Variants in PCCA observed in about 807,000 individuals in gnomAD.
PCCA encodes the protein propionyl-CoA carboxylase alpha chain, mitochondrial.
A neutral mutation model predicts 101.3 loss-of-function variants in PCCA; 74 were observed. The ratio of observed to expected loss-of-function variants is 0.73; its 90% CI spans 0.61 to 0.89. The LOEUF (loss-of-function observed/expected upper bound fraction) is 0.89, where lower values mean the gene tolerates loss of function less well. Among genes scored for constraint, PCCA ranks in the 40% least tolerant of loss-of-function variants. The pLI is 0.00. For synonymous variants in PCCA, 294 were observed against 313.6 expected (o/e 0.94, Z 0.66); for missense variants, 891 against 907.0 (o/e 0.98, Z 0.23).
intron 21 of PCCA, among the ~76,000 whole-genome samples, chr13:100,467,265 GTTC>G (rs1178428444): frequency 6.6e-6 from 1 of 152,198 alleles, no homozygotes; most frequent in Admixed American, 6.5e-5. Context: ...GACAAAACCA[GTTC>G]TTCTGTGTTG....
intron 21 of PCCA, among the ~76,000 whole-genome samples, chr13:100,487,386 A>C (rs1256453394): frequency 6.6e-6 from 1 of 152,190 alleles, no homozygotes; most frequent in Non-Finnish European, 1.5e-5. Flanking sequence ...AAATCACTGA[A>C]TGACGTGTTA....
chr13:100,260,951 A>C (rs1282857927), intron 9 of PCCA, among the ~76,000 whole-genome samples: 1 of 151,882 alleles, frequency 6.6e-6, no homozygotes, highest in Non-Finnish European at 1.5e-5. Flanking sequence ...AATAGGGCTG[A>C]CATCATTAAA....
At chr13:100,265,405 T>C (rs1362688034) in intron 10 of PCCA, among the ~76,000 whole-genome samples, 2 of 152,210 alleles carry the variant, frequency 1.3e-5, no homozygotes, top group African/African-American at 4.8e-5. Context: ...GACTTCGTCA[T>C]TGTCTTAACT....
At chr13:100,342,995 G>A (rs2071616887) in intron 18 of PCCA, among the ~76,000 whole-genome samples, 2 of 152,164 alleles carry the variant, frequency 1.3e-5, no homozygotes, top group African/African-American at 4.8e-5. Flanking sequence ...CCAAAGTGCT[G>A]GAATTATAGA....
intron 23 of PCCA, among the ~76,000 whole-genome samples, chr13:100,527,977 T>C (rs539450873): frequency 2.0e-5 from 3 of 152,376 alleles, no homozygotes; most frequent in African/African-American, 7.2e-5. Context: ...GTTCAGGTAG[T>C]CAAAGAACAA....
At chr13:100,360,343 C>G (rs988858256) in intron 18 of PCCA, among the ~76,000 whole-genome samples, 1 of 152,070 alleles carries the variant, frequency 6.6e-6, no homozygotes, top group Non-Finnish European at 1.5e-5. Flanking sequence ...CATATCAGAC[C>G]TAGAATAGCT....
intron 21 of PCCA, among the ~76,000 whole-genome samples, chr13:100,493,704 T>C (rs138568943): frequency 1.3e-5 from 2 of 152,212 alleles, no homozygotes; most frequent in African/African-American, 2.4e-5. Flanking sequence ...CTTCCTGGCC[T>C]GTGAGTGTTG....
At chr13:100,505,478 T>TCC (rs2085995985) in intron 21 of PCCA, among the ~76,000 whole-genome samples, 2 of 152,234 alleles carry the variant, frequency 1.3e-5, no homozygotes, top group African/African-American at 4.8e-5. Context: ...GAATGTAATC[T>TCC]ATTTGCTCTC....
intron 22 of PCCA, among the ~76,000 whole-genome samples, chr13:100,520,954 A>C (rs1484556205): frequency 6.6e-6 from 1 of 152,180 alleles, no homozygotes; most frequent in African/African-American, 2.4e-5. Flanking sequence ...GATGTAAACT[A>C]TCTTTTTCTC....
chr13:100,259,077 C>T (rs1357753629), intron 9 of PCCA, among the ~76,000 whole-genome samples: 1 of 152,160 alleles, frequency 6.6e-6, no homozygotes, highest in African/African-American at 2.4e-5. Flanking sequence ...ACCGTGAACA[C>T]CATACCACAA....
At chr13:100,494,233 A>G (rs1235691338) in intron 21 of PCCA, among the ~76,000 whole-genome samples, 1 of 152,182 alleles carries the variant, frequency 6.6e-6, no homozygotes. Flanking sequence ...ACTTTTACCA[A>G]GTTCTCATCT....
intron 1 of PCCA, among the ~76,000 whole-genome samples, chr13:100,095,184 T>TC (rs1419962035): frequency 6.6e-6 from 1 of 152,136 alleles, no homozygotes; most frequent in African/African-American, 2.4e-5. Flanking sequence ...TGTGCGTCTT[T>TC]CCCTCTCATT....
In PCCA at chr13:100,268,746, C is replaced by G; in HGVS notation, c.877C>G (p.Gln293Glu). Reference protein sequence around the residue: ...LWLNERECSIQRRNQKVVEEA... With the variant: ...LWLNERECSIERRNQKVVEEA... ...GCTTAATGAAAGAGAGTGCTCAATT[C>G]AGAGAAGAAATCAGAAGGTGGTGGA... Residue 293 changes from glutamine (Q) to glutamate (E), a missense_variant, in exon 11 of 24, where the codon CAG becomes GAG. Coordinates refer to ENST00000376285, the MANE Select transcript of PCCA (RefSeq NM_000282.4). The G allele has an allele frequency of 1.2e-6, 2 of 1,614,054 alleles. No individual in the cohort carries two copies. Among genetic ancestry groups the G allele is most frequent in the Non-Finnish European group, 1.7e-6 (2 of 1,179,894 alleles).
At position 100,167,596 on chromosome 13, in the gene PCCA, A is replaced by G. The variant is rs973229996; in HGVS notation, c.468+10256A>G. ...AATAGATATATGTAATTTCTTGCCA[A>G]ACTCAAGGTCACTGAGACTTTCTTG... On this transcript the variant is annotated intron_variant, in intron 6 of 23. Coordinates refer to ENST00000376285, the MANE Select transcript of PCCA (RefSeq NM_000282.4). Among the ~76,000 whole-genome samples the G allele has an allele frequency of 1.2e-4, 18 of 152,286 alleles. No individual in the cohort carries two copies. The East Asian group carries it at 3.3e-3, about 28-fold the overall frequency.
chr13:100,238,045 T>C (rs2060911363), intron 8 of PCCA, among the ~76,000 whole-genome samples: 1 of 151,684 alleles, frequency 6.6e-6, no homozygotes, highest in Non-Finnish European at 1.5e-5. Context: ...TTCAGGTGAT[T>C]CTCCTGCCTT....
chr13:100,526,042 G>A (rs1030146338), intron 22 of PCCA, among the ~76,000 whole-genome samples: 5 of 152,222 alleles, frequency 3.3e-5, no homozygotes, highest in Non-Finnish European at 4.4e-5. Context: ...AAGAGGACAC[G>A]GCCAGGCTTC....
intron 18 of PCCA, among the ~76,000 whole-genome samples, chr13:100,347,566 AT>A (rs1438658845): frequency 6.6e-6 from 1 of 152,200 alleles, no homozygotes; most frequent in African/African-American, 2.4e-5. Context: ...TTCCTTAGAG[AT>A]TGTTGAAATA....
chr13:100,530,415 A>C lies in PCCA; in HGVS notation c.*249A>C. ...TCCCTAGTGTCAAAATTAAATCAAT[A>C]AAACTGAGCATTTGTCTAAATATTA... On this transcript the variant is annotated 3_prime_UTR_variant, in exon 24 of 24. Coordinates refer to ENST00000376285, the MANE Select transcript of PCCA (RefSeq NM_000282.4). The C allele has an allele frequency of 1.7e-6, 1 of 581,924 alleles. No homozygotes were observed. The highest frequency in any genetic ancestry group is 3.1e-6 in the Non-Finnish European group (1 of 325,756). 36.0% of individuals were successfully genotyped at this position (581,924 alleles called of 1,614,324 possible).
chr13:100,281,108 G>T (rs2064075612), intron 12 of PCCA, among the ~76,000 whole-genome samples: 1 of 152,076 alleles, frequency 6.6e-6, no homozygotes, highest in African/African-American at 2.4e-5. Context: ...TTTCATAATG[G>T]CCCCAGCATA....
Sources: allele counts gnomAD v4.1 joint callset (sites outside exome capture counted in the v4.1 genomes callset), GRCh38; gene constraint gnomAD v4.1.1; transcripts MANE v1.5; gene names NCBI Gene and HGNC (gene_info 2026-07-23, HGNC 2026-07-21).